Variants in TTLL11 observed in about 807,000 individuals in gnomAD.
TTLL11 encodes the protein tubulin polyglutamylase TTLL11.
A neutral mutation model predicts 51.7 loss-of-function variants in TTLL11; 42 were observed. That is an observed-to-expected ratio of 0.81 (90% CI 0.64 to 1.05). The LOEUF is 1.05. Ranked by LOEUF, TTLL11 falls within the 50% of genes least tolerant of loss-of-function variation. The pLI, the probability that TTLL11 is intolerant of heterozygous loss-of-function variation, is 0.00. For missense variants in TTLL11, 799 were observed against 940.4 expected (o/e 0.85, Z 1.97); for synonymous variants, 381 against 383.5 (o/e 0.99, Z 0.08).
At chr9:121,984,836 A>T (rs757711267) in intron 4 of TTLL11, among the ~76,000 whole-genome samples, 2 of 152,066 alleles carry the variant, frequency 1.3e-5, no homozygotes, top group Admixed American at 6.5e-5. Flanking sequence ...TTTCCTCTGC[A>T]TGTGTTATTT....
intron 1 of TTLL11, among the ~76,000 whole-genome samples, chr9:122,089,825 G>A (rs745456017): frequency 3.9e-5 from 6 of 152,026 alleles, no homozygotes; most frequent in African/African-American, 9.7e-5. Context: ...GTCTTGCTCT[G>A]TCACCCAGGC....
chr9:121,992,735 A>G (rs902360544), intron 3 of TTLL11, among the ~76,000 whole-genome samples: 24 of 152,232 alleles, frequency 1.6e-4, no homozygotes, highest in African/African-American at 5.5e-4. Flanking sequence ...AGAGATACAC[A>G]GAGGAGGTGG....
chr9:121,971,443 T>TG (rs564316435), intron 6 of TTLL11, among the ~76,000 whole-genome samples: 16 of 48,152 alleles, frequency 3.3e-4, no homozygotes, highest in African/African-American at 1.0e-3. Flanking sequence ...GGGAGGGAGG[T>TG]GGGGGGGGTC....
chr9:121,989,580 T>G lies in TTLL11; in HGVS notation c.884A>C (p.Lys295Thr). ...TAAGACATACAGACGAATATCAAAC[T>G]TGAGCTTGTCGATAAGGAGAGGTTT... ...ICKPLLIDKL[K>T]FDIRLYVLLK... The change falls in exon 4 of 9, where the codon AAG (lysine) becomes ACG (threonine). Residue 295 changes from lysine to threonine, a missense_variant. This residue lies in a region of TTLL11 where 468 missense variants were observed against 612.8 expected (regional missense o/e 0.76). Coordinates refer to ENST00000321582, the MANE Select transcript of TTLL11 (RefSeq NM_001139442.2). The surrounding 1 kb of genome is among the most constrained non-coding windows in gnomAD (Gnocchi z 4.2). The G allele has an allele frequency of 1.2e-6, 2 of 1,614,058 alleles. No homozygotes were observed. Among genetic ancestry groups the G allele is most frequent in the Non-Finnish European group, 1.7e-6 (2 of 1,180,012 alleles).
At chr9:121,848,749 G>T (rs1236866036) in intron 8 of TTLL11, among the ~76,000 whole-genome samples, 2 of 152,082 alleles carry the variant, frequency 1.3e-5, no homozygotes, top group Non-Finnish European at 2.9e-5. Flanking sequence ...TTAGATGAAA[G>T]AAATAAAAAG....
At chr9:121,868,728 C>T (rs1402242971) in intron 7 of TTLL11, among the ~76,000 whole-genome samples, 10 of 152,182 alleles carry the variant, frequency 6.6e-5, no homozygotes, top group African/African-American at 1.9e-4. Flanking sequence ...TTAAGCCATT[C>T]GTAGATGGTT....
rs115852512 is a variant in TTLL11 at position 121,931,849 on chromosome 9, C to T, written c.1481+42160G>A. Reference sequence around the variant, plus strand: ...AGAGAAATATTGATGCCAACTGTGGCTCCTCTCGCCCCATCTTCCTTCATG... The same window carrying T: ...AGAGAAATATTGATGCCAACTGTGGTTCCTCTCGCCCCATCTTCCTTCATG... On this transcript the variant is annotated intron_variant, in intron 6 of 8. Transcript: ENST00000321582. Among the ~76,000 whole-genome samples, 799 of 152,266 alleles carry T rather than the reference C, an allele frequency of 5.2e-3. 8 individuals are homozygous for T. Among genetic ancestry groups the T allele is most frequent in the African/African-American group, 0.018 (753 of 41,544 alleles).
chr9:122,067,694 G>C (rs1416582202), intron 1 of TTLL11, among the ~76,000 whole-genome samples: 1 of 152,120 alleles, frequency 6.6e-6, no homozygotes, highest in Non-Finnish European at 1.5e-5. Context: ...GTAGAGACAG[G>C]GTTTCACCAT....
chr9:121,878,863 C>T (rs904576214), intron 6 of TTLL11, among the ~76,000 whole-genome samples: 10 of 152,238 alleles, frequency 6.6e-5, no homozygotes, highest in African/African-American at 2.4e-4. Context: ...TACACATAGG[C>T]CAAGGAGGGG....
chr9:122,006,305 C>T (rs549087148), intron 3 of TTLL11, among the ~76,000 whole-genome samples: 19 of 150,856 alleles, frequency 1.3e-4, no homozygotes, highest in Non-Finnish European at 2.5e-4. Context: ...GGCACCACTG[C>T]ACTCTCCAGC....
chr9:121,870,328 A>G (rs1838315726), intron 7 of TTLL11, among the ~76,000 whole-genome samples, 169 bp downstream of exon 7: 1 of 152,204 alleles, frequency 6.6e-6, no homozygotes, highest in South Asian at 2.1e-4. Flanking sequence ...TTCACTCAAC[A>G]AATGAGATTC....
chr9:121,917,553 A>AAGAAAGAAAG lies in TTLL11; in HGVS notation c.1482-46806_1482-46805insCTTTCTTTCT, dbSNP rs1181585585. On this transcript the variant is annotated intron_variant, in intron 6 of 8. Transcript: ENST00000321582. ...AGGAAGGAAGGAAGGAAGAAAAAGA[A>AAGAAAGAAAG]AAAGAAAGAAAGAAAGAAAGAAAGG... Among the ~76,000 whole-genome samples, 39 of 144,898 alleles carry AAGAAAGAAAG rather than the reference A, an allele frequency of 2.7e-4. 1 individual carries two copies. Among genetic ancestry groups the AAGAAAGAAAG allele is most frequent in the African/African-American group, 1.0e-3 (39 of 37,220 alleles).
chr9:121,942,311 T>C (rs1029232288), intron 6 of TTLL11, among the ~76,000 whole-genome samples: 1 of 152,226 alleles, frequency 6.6e-6, no homozygotes, highest in Non-Finnish European at 1.5e-5. Context: ...TCAATTCCAA[T>C]GTCACCTTCA....
intron 6 of TTLL11, among the ~76,000 whole-genome samples, chr9:121,876,730 G>A (rs1838580030): frequency 6.6e-6 from 1 of 152,196 alleles, no homozygotes; most frequent in African/African-American, 2.4e-5. Context: ...TACTGGAATG[G>A]TCTAGGTCAA....
intron 3 of TTLL11, among the ~76,000 whole-genome samples, chr9:121,992,391 T>C (rs1843142633): frequency 6.6e-6 from 1 of 152,198 alleles, no homozygotes; most frequent in Admixed American, 6.5e-5. Context: ...AAAGAAGTCA[T>C]GGACCAGAAT....
At chr9:121,847,207 C>CAAAAAAAAA (rs56213031) in intron 8 of TTLL11, among the ~76,000 whole-genome samples, 2 of 113,730 alleles carry the variant, frequency 1.8e-5, no homozygotes, top group African/African-American at 3.2e-5. Context: ...GACTCCGTCT[C>CAAAAAAAAA]AAAAAAAAAA....
intron 1 of TTLL11, among the ~76,000 whole-genome samples, chr9:122,063,546 C>T (rs1359919080): frequency 6.6e-6 from 1 of 152,196 alleles, no homozygotes; most frequent in Non-Finnish European, 1.5e-5. Context: ...AAAACCATTA[C>T]ATTTATTTAA....
intron 1 of TTLL11, among the ~76,000 whole-genome samples, chr9:122,041,113 G>GC (rs376588392): frequency 3.2e-4 from 49 of 152,010 alleles, no homozygotes; most frequent in African/African-American, 1.1e-3. Flanking sequence ...ATACCAAATT[G>GC]CCCCCCCTTT....
Position 121,974,958 on chromosome 9 carries a change from G to A in TTLL11, c.1291C>T (p.Leu431=). ...CFQILGFDIL[L]MKNLKPILLE... is the part of the protein sequence containing the mutation. ...AGTATAGGCTTCAGATTTTTCATTA[G>A]AAGAATGTCAAAGCCTAAAATCTGG... The change falls in exon 5 of 9, where the codon CTA becomes TTA. Residue 431 remains leucine, a synonymous_variant. Transcript: ENST00000321582. The A allele has an allele frequency of 6.5e-7, 1 of 1,536,478 alleles. No homozygotes were observed. Among genetic ancestry groups the A allele is most frequent in the Non-Finnish European group, 8.7e-7 (1 of 1,143,608 alleles).
Sources: gnomAD v4.1 joint callset for allele counts (sites outside exome capture counted in the v4.1 genomes callset) on GRCh38, gnomAD v4.1.1 for gene constraint, gnomAD v4.1.1 regional missense constraint, Gnocchi (gnomAD v3.1) non-coding constraint, MANE v1.5 for transcripts, NCBI Gene and HGNC (gene_info 2026-07-23, HGNC 2026-07-21) for gene names.